ATOH1: variants seen among roughly 807,000 people sequenced by gnomAD.
ATOH1 encodes atonal bHLH transcription factor 1.
A neutral mutation model predicts 20.7 loss-of-function variants in ATOH1; 9 were observed. The observed-to-expected ratio is 0.44, with a 90% CI of 0.26 to 0.76. The LOEUF (loss-of-function observed/expected upper bound fraction) is 0.76. ATOH1 is among the 30% of genes least tolerant of loss of function. The probability of loss-of-function intolerance (pLI) is 0.20; values close to 1 mark genes in which losing one functional copy is unlikely to be tolerated. For synonymous variants in ATOH1, 247 were observed against 214.3 expected, an observed-to-expected ratio of 1.15 and a Z score of -1.33; for missense variants, 516 against 479.3, an observed-to-expected ratio of 1.08 and a Z score of -0.71.
In ATOH1 at chr4:93,829,079, T is replaced by C. The variant is rs562102963; in HGVS notation, c.153T>C (p.Pro51=). The C allele has an allele frequency of 7.4e-6, 12 of 1,613,704 alleles. No homozygotes were observed. The highest frequency in any genetic ancestry group is 1.0e-5 in the Non-Finnish European group (12 of 1,179,972). ...CGAGAGAGCATCCCGTCTACCCGCC[T>C]GAGCTGTCCCTCCTGGACAGCACCG... ...LQAREHPVYP[P]ELSLLDSTDP... The change falls in exon 1 of 1, where the codon CCT becomes CCC. Residue 51 remains proline, a synonymous_variant. Transcript: ENST00000306011. The surrounding 1 kb of genome is among the most constrained non-coding windows in gnomAD (Gnocchi z 4.5).
rs1251668698 is a variant in ATOH1 at position 93,828,984 on chromosome 4, C to G, written c.58C>G (p.His20Asp). 6.2e-7 allele frequency: 1 copy of G among 1,612,708 alleles called. No homozygotes were observed. The part of the protein sequence containing the change: ...WAEVKELGDH[H>D]RQPQPHHLPQ... Reference sequence around the variant, plus strand: ...TGAAGTGAAGGAGTTGGGAGACCACCATCGCCAGCCCCAGCCGCATCATCT... The same window carrying G: ...TGAAGTGAAGGAGTTGGGAGACCACGATCGCCAGCCCCAGCCGCATCATCT... Residue 20 changes from histidine to aspartate, a missense_variant, in exon 1 of 1, where the codon CAT becomes GAT. Transcript: ENST00000306011.
Position 93,830,118 on chromosome 4 carries a change from C to A in ATOH1, c.*127C>A. ...CTCTGCGATGGTCGTTGTTTAGCAACGACTTGGCTTCAGATGGCAGCTACA... is the reference window on the plus strand; with the variant it reads ...CTCTGCGATGGTCGTTGTTTAGCAAAGACTTGGCTTCAGATGGCAGCTACA... On this transcript the variant is annotated 3_prime_UTR_variant, in exon 1 of 1. Coordinates refer to ENST00000306011, the MANE Select transcript of ATOH1 (RefSeq NM_005172.2). 6.3e-6 allele frequency: 9 copies of A among 1,427,376 alleles called. No individual in the cohort carries two copies. The highest frequency in any genetic ancestry group is 1.6e-5 in the South Asian group (1 of 61,230). 88.4% of individuals were successfully genotyped at this position (1,427,376 alleles called of 1,614,324 possible). A position where few individuals can be genotyped will look rare whatever the true frequency, so the allele number is the denominator to read the frequency against.
Position 93,829,220 on chromosome 4 carries a change from G to C in ATOH1, c.294G>C (p.Glu98Asp). 6.3e-7 allele frequency: 1 copy of C among 1,586,172 alleles called. No individual in the cohort carries two copies. Among genetic ancestry groups the C allele is most frequent in the Non-Finnish European group, 8.6e-7 (1 of 1,165,174 alleles). ...GASEAAAPRD[E>D]VDGRGELVRR... ...CAGAGGCCGCTGCGCCCCGGGACGA[G>C]GTGGACGGCCGGGGGGAGCTGGTAA... Residue 98 changes from glutamate to aspartate, a missense_variant, in exon 1 of 1, where the codon GAG becomes GAC. Coordinates refer to ENST00000306011, the MANE Select transcript of ATOH1 (RefSeq NM_005172.2). This position sits in a 1 kb window ranked among gnomAD's most constrained non-coding sequence, Gnocchi z 4.5.
Position 93,829,894 on chromosome 4 carries a change from T to C in ATOH1, c.968T>C (p.Val323Ala), listed in dbSNP as rs1056642816. The C allele has an allele frequency of 4.3e-6, 7 of 1,614,168 alleles. No individual in the cohort carries two copies. Among genetic ancestry groups the C allele is most frequent in the Non-Finnish European group, 5.9e-6 (7 of 1,180,038 alleles). The change falls in exon 1 of 1, where the codon GTG (valine) becomes GCG (alanine). Residue 323 changes from valine (V) to alanine (A), a missense_variant. Val to Ala is a moderately conservative substitution (Grantham distance 64). Coordinates refer to ENST00000306011, the MANE Select transcript of ATOH1 (RefSeq NM_005172.2). This position sits in a 1 kb window ranked among gnomAD's most constrained non-coding sequence, Gnocchi z 4.5. ...PSLPGSILQP[V>A]QEENSKTSPR... ...CTCCCCGGGAGCATCTTGCAGCCAG[T>C]GCAGGAGGAAAACAGCAAAACTTCG... is the stretch of plus-strand genomic sequence containing the variant.
At position 93,829,435 on chromosome 4, in the gene ATOH1, G is replaced by T; in HGVS notation, c.509G>T (p.Arg170Leu). Residue 170 changes from arginine (R) to leucine (L), a missense_variant, in exon 1 of 1, where the codon CGC (arginine) becomes CTC (leucine). Transcript: ENST00000306011. The surrounding 1 kb of genome is among the most constrained non-coding windows in gnomAD (Gnocchi z 4.5). ...RRLAANARERRRMHGLNHAFD... is the reference protein window; with the variant it reads ...RRLAANARERLRMHGLNHAFD... The stretch of plus-strand genomic sequence containing the variant: ...CTAGCAGCCAACGCCAGGGAGCGGC[G>T]CAGGATGCATGGGCTGAACCACGCC... 1.2e-6 allele frequency: 2 copies of T among 1,614,256 alleles called. No individual in the cohort carries two copies. Among genetic ancestry groups the T allele is most frequent in the Non-Finnish European group, 1.7e-6 (2 of 1,180,048 alleles).
rs1292381140 is a variant in ATOH1, at chr4:93,830,082, T to A, written c.*91T>A. On this transcript the variant is annotated 3_prime_UTR_variant, in exon 1 of 1. Coordinates refer to ENST00000306011, the MANE Select transcript of ATOH1 (RefSeq NM_005172.2). ...CCCGCGGTTAAAGATCCCCGCACCC[T>A]TTAATTTTTGCTCTGCGATGGTCGT... The A allele has an allele frequency of 6.8e-7, 1 of 1,476,480 alleles. No individual in the cohort carries two copies. The highest frequency in any genetic ancestry group is 9.0e-7 in the Non-Finnish European group (1 of 1,116,254). 91.5% of individuals were successfully genotyped at this position (1,476,480 alleles called of 1,614,324 possible). A position where few individuals can be genotyped will look rare whatever the true frequency, so the allele number is the denominator to read the frequency against.
rs35227734 is a variant in ATOH1, at chr4:93,829,734, G to C, written c.808G>C (p.Gly270Arg). The change falls in exon 1 of 1, where the codon GGG becomes CGG. Residue 270 changes from glycine to arginine, a missense_variant. Gly to Arg is a moderately radical substitution (Grantham distance 125). Coordinates refer to ENST00000306011, the MANE Select transcript of ATOH1 (RefSeq NM_005172.2). The surrounding 1 kb of genome is among the most constrained non-coding windows in gnomAD (Gnocchi z 4.5). ...SGGSQRPTPP[G>R]SCRTRFSAPA... ...AGGGAGCCAGCGGCCGACCCCGCCC[G>C]GGAGTTGCCGGACTCGCTTCTCAGC... is the stretch of plus-strand genomic sequence containing the variant. 3,755 of 1,578,128 alleles carry C rather than the reference G, an allele frequency of 2.4e-3. 59 individuals carry two copies. The African/African-American group carries it at 0.043, about 18-fold the overall frequency.
In ATOH1 at chr4:93,829,843, T is replaced by C. The variant is rs201443762; in HGVS notation, c.917T>C (p.Met306Thr). Reference protein sequence around the residue: ...TFEDSALTAMMAQKNLSPSLP... With the variant: ...TFEDSALTAMTAQKNLSPSLP... ...GAGGACAGCGCCCTGACAGCGATGA[T>C]GGCGCAAAAGAATTTGTCTCCTTCT... The change falls in exon 1 of 1, where the codon ATG (methionine) becomes ACG (threonine). Residue 306 changes from methionine (M) to threonine (T), a missense_variant. Met to Thr is a moderately conservative substitution (Grantham distance 81). Transcript: ENST00000306011. The surrounding 1 kb of genome is among the most constrained non-coding windows in gnomAD (Gnocchi z 4.5). The C allele has an allele frequency of 4.3e-6, 7 of 1,614,084 alleles. No homozygotes were observed. The East Asian group carries it at 1.3e-4, about 31-fold the overall frequency.
Position 93,828,818 on chromosome 4 carries a change from G to GA in ATOH1, c.-100dup, listed in dbSNP as rs1012487968. 2,013 of 1,252,306 alleles carry GA rather than the reference G, an allele frequency of 1.6e-3. 3 individuals carry two copies. The highest frequency in any genetic ancestry group is 6.4e-3 in the South Asian group (385 of 60,044). 77.6% of individuals were successfully genotyped at this position (1,252,306 alleles called of 1,614,324 possible). A position where few individuals can be genotyped will look rare whatever the true frequency, so the allele number is the denominator to read the frequency against. ...AGTGGGTGGGGGAGGGTCGAGGAGG[G>GA]AAAAAAAAATAAGACGTTGCAGAAG... On this transcript the variant is annotated 5_prime_UTR_variant, in exon 1 of 1. Coordinates refer to ENST00000306011, the MANE Select transcript of ATOH1 (RefSeq NM_005172.2).
Position 93,829,434 on chromosome 4 carries a change from C to T in ATOH1, c.508C>T (p.Arg170Cys). Reference protein sequence around the residue: ...RRLAANARERRRMHGLNHAFD... With the variant: ...RRLAANARERCRMHGLNHAFD... ...GCTAGCAGCCAACGCCAGGGAGCGG[C>T]GCAGGATGCATGGGCTGAACCACGC... The change falls in exon 1 of 1, where the codon CGC (arginine) becomes TGC (cysteine). Residue 170 changes from arginine (R) to cysteine (C), a missense_variant. Transcript: ENST00000306011. This position sits in a 1 kb window ranked among gnomAD's most constrained non-coding sequence, Gnocchi z 4.5. 6.2e-7 allele frequency: 1 copy of T among 1,614,226 alleles called. No individual in the cohort carries two copies. The highest frequency in any genetic ancestry group is 1.3e-5 in the African/African-American group (1 of 75,068).
In ATOH1 at chr4:93,830,941, A is replaced by G. The variant is rs1477067165; in HGVS notation, c.*950A>G. The G allele has an allele frequency of 3.0e-5, 5 of 166,732 alleles. No homozygotes were observed. Among genetic ancestry groups the G allele is most frequent in the Non-Finnish European group, 7.3e-5 (5 of 68,088 alleles). 10.3% of individuals were successfully genotyped at this position (166,732 alleles called of 1,614,324 possible). A position where few individuals can be genotyped will look rare whatever the true frequency, so the allele number is the denominator to read the frequency against. On this transcript the variant is annotated 3_prime_UTR_variant, in exon 1 of 1. Coordinates refer to ENST00000306011, the MANE Select transcript of ATOH1 (RefSeq NM_005172.2). ...CTTGTTTAATGTATTTTGTTTTGCA[A>G]ATGATTAAAATAAATGTGAAAAGAA... is the stretch of plus-strand genomic sequence containing the variant.
Position 93,830,758 on chromosome 4 carries a change from A to T in ATOH1, c.*767A>T, listed in dbSNP as rs954624408. Reference sequence around the variant, plus strand: ...TTTAAAAAATGAAAAATTAAAAAAAATCTAGTAGTGTCAAACGCATTTGGT... The same window carrying T: ...TTTAAAAAATGAAAAATTAAAAAAATTCTAGTAGTGTCAAACGCATTTGGT... On this transcript the variant is annotated 3_prime_UTR_variant, in exon 1 of 1. Transcript: ENST00000306011. 1.2e-5 allele frequency: 2 copies of T among 167,056 alleles called. No homozygotes were observed. Among genetic ancestry groups the T allele is most frequent in the African/African-American group, 2.4e-5 (1 of 41,440 alleles). The allele number at this position is 167,056 out of a possible 1,614,324, so 10.3% of individuals were successfully genotyped here. A position where few individuals can be genotyped will look rare whatever the true frequency, so the allele number is the denominator to read the frequency against.
chr4:93,828,890 TGCCTCCGATCCTGA>T lies in ATOH1; in HGVS notation c.-28_-15del. ...TTTGGTTGAGCTGGTGTCCCAGTGCTGCCTCCGATCCTGAGCCTCCGAGCCTTTGCAGTGCAATG... is the reference window on the plus strand; with the variant it reads ...TTTGGTTGAGCTGGTGTCCCAGTGCTGCCTCCGAGCCTTTGCAGTGCAATG... On this transcript the variant is annotated 5_prime_UTR_variant, in exon 1 of 1. Coordinates refer to ENST00000306011, the MANE Select transcript of ATOH1 (RefSeq NM_005172.2). The T allele has an allele frequency of 6.5e-7, 1 of 1,532,692 alleles. No homozygotes were observed. The highest frequency in any genetic ancestry group is 8.8e-7 in the Non-Finnish European group (1 of 1,139,296). 94.9% of individuals were successfully genotyped at this position (1,532,692 alleles called of 1,614,324 possible).
Position 93,829,391 on chromosome 4 carries a change from G to T in ATOH1, c.465G>T (p.Gly155=), listed in dbSNP as rs142207012. The T allele has an allele frequency of 2.5e-5, 40 of 1,614,232 alleles. No homozygotes were observed. The African/African-American group carries it at 4.7e-4, about 19-fold the overall frequency. The change falls in exon 1 of 1, where the codon GGG becomes GGT. Residue 155 remains glycine (G), a synonymous_variant. Coordinates refer to ENST00000306011, the MANE Select transcript of ATOH1 (RefSeq NM_005172.2). This position sits in a 1 kb window ranked among gnomAD's most constrained non-coding sequence, Gnocchi z 4.5. ...QRAPSSKQVN[G]VQKQRRLAAN... ...CCCCTTCCAGCAAACAGGTGAATGG[G>T]GTGCAGAAGCAGAGACGGCTAGCAG...
In ATOH1 at chr4:93,829,810, C is replaced by T. The variant is rs756563436; in HGVS notation, c.884C>T (p.Ser295Leu). 1 of 1,613,772 alleles carries T rather than the reference C, an allele frequency of 6.2e-7. No homozygotes were observed. The highest frequency in any genetic ancestry group is 2.2e-5 in the East Asian group (1 of 44,876). ...GTGCAGCTGGACGCTCTGCACTTCT[C>T]GACTTTCGAGGACAGCGCCCTGACA... is the stretch of plus-strand genomic sequence containing the variant. ...YSVQLDALHF[S>L]TFEDSALTAM... The change falls in exon 1 of 1, where the codon TCG (serine) becomes TTG (leucine). Residue 295 changes from serine to leucine, a missense_variant. Coordinates refer to ENST00000306011, the MANE Select transcript of ATOH1 (RefSeq NM_005172.2). The surrounding 1 kb of genome is among the most constrained non-coding windows in gnomAD (Gnocchi z 4.5).
chr4:93,830,867 C>T lies in ATOH1; in HGVS notation c.*876C>T, dbSNP rs992443453. 1 of 166,990 alleles carries T rather than the reference C, an allele frequency of 6.0e-6. No homozygotes were observed. The highest frequency in any genetic ancestry group is 2.4e-5 in the African/African-American group (1 of 41,418). 10.3% of individuals were successfully genotyped at this position (166,990 alleles called of 1,614,324 possible). ...TCTACTTATCTTGATTCATTTTTTACGTTTTCTACTCGAGATCATTTTATT... is the reference window on the plus strand; with the variant it reads ...TCTACTTATCTTGATTCATTTTTTATGTTTTCTACTCGAGATCATTTTATT... On this transcript the variant is annotated 3_prime_UTR_variant, in exon 1 of 1. Coordinates refer to ENST00000306011, the MANE Select transcript of ATOH1 (RefSeq NM_005172.2).
chr4:93,829,655 C>T lies in ATOH1; in HGVS notation c.729C>T (p.Ser243=). 6.3e-7 allele frequency: 1 copy of T among 1,587,186 alleles called. No homozygotes were observed. The part of the protein sequence containing the change: ...SDHHHLRTAA[S]YEGGAGNATA... ...ACCACCACCTTCGCACCGCGGCCTC[C>T]TATGAAGGGGGCGCGGGCAACGCGA... The change falls in exon 1 of 1, where the codon TCC becomes TCT. Residue 243 remains serine, a synonymous_variant. Coordinates refer to ENST00000306011, the MANE Select transcript of ATOH1 (RefSeq NM_005172.2). This position sits in a 1 kb window ranked among gnomAD's most constrained non-coding sequence, Gnocchi z 4.5.
Position 93,828,922 on chromosome 4 carries a change from G to A in ATOH1, c.-5G>A, listed in dbSNP as rs748168203. 1.3e-6 allele frequency: 2 copies of A among 1,580,352 alleles called. No homozygotes were observed. The highest frequency in any genetic ancestry group is 2.2e-5 in the East Asian group (1 of 44,556). On this transcript the variant is annotated 5_prime_UTR_variant, in exon 1 of 1. It adds an upstream start codon to the 5' untranslated region. Transcript: ENST00000306011. ...GATCCTGAGCCTCCGAGCCTTTGCA[G>A]TGCAATGTCCCGCCTGCTGCATGCA...
chr4:93,830,307 T>G lies in ATOH1; in HGVS notation c.*316T>G. ...CCCGTATATGGCATCATTATTCTAG[T>G]TCCCTGCTGCCAATACGCTGCTAAA... On this transcript the variant is annotated 3_prime_UTR_variant, in exon 1 of 1. Coordinates refer to ENST00000306011, the MANE Select transcript of ATOH1 (RefSeq NM_005172.2). 11 of 254,748 alleles carry G rather than the reference T, an allele frequency of 4.3e-5. No individual in the cohort carries two copies. The highest frequency in any genetic ancestry group is 9.8e-5 in the East Asian group (1 of 10,256). The allele number at this position is 254,748 out of a possible 1,614,324, so 15.8% of individuals were successfully genotyped here. A position where few individuals can be genotyped will look rare whatever the true frequency, so the allele number is the denominator to read the frequency against.
Sources: gnomAD v4.1 joint callset for allele counts on GRCh38, gnomAD v4.1.1 for gene constraint, Gnocchi (gnomAD v3.1) non-coding constraint, MANE v1.5 for transcripts, NCBI Gene and HGNC (gene_info 2026-07-23, HGNC 2026-07-21) for gene names.